The following UGT1A9 variants were observed in gnomAD, a reference collection of about 807,000 sequenced individuals.
UGT1A9 encodes the protein UDP-glucuronosyltransferase 1A9.
A neutral mutation model predicts 45.0 loss-of-function variants in UGT1A9; 35 were observed. That is an observed-to-expected ratio of 0.78 (90% CI 0.59 to 1.03). UGT1A9 has a LOEUF of 1.03. Ranked by LOEUF, UGT1A9 falls within the 50% of genes least tolerant of loss-of-function variation. The probability of loss-of-function intolerance (pLI) is 0.00; values close to 1 mark genes in which losing one functional copy is unlikely to be tolerated. For missense variants in UGT1A9, 687 were observed against 666.6 expected, an observed-to-expected ratio of 1.03 and a Z score of -0.34; for synonymous variants, 278 against 250.6, an observed-to-expected ratio of 1.11 and a Z score of -1.03.
intron 1 of UGT1A9, among the ~76,000 whole-genome samples, chr2:233,686,927 C>A (rs1301208091): frequency 1.3e-5 from 2 of 152,204 alleles, no homozygotes; most frequent in African/African-American, 4.8e-5. Flanking sequence ...ATCCCACTGG[C>A]TGACTCATGC....
chr2:233,752,000 T>A (rs1694866049), intron 1 of UGT1A9, among the ~76,000 whole-genome samples: 1 of 152,106 alleles, frequency 6.6e-6, no homozygotes, highest in African/African-American at 2.4e-5. Context: ...TTGAGAAAGT[T>A]GATGAGAAAG....
At chr2:233,762,032 T>A (rs34562642) in intron 1 of UGT1A9, among the ~76,000 whole-genome samples, 31 of 152,346 alleles carry the variant, frequency 2.0e-4, no homozygotes, top group East Asian at 3.9e-4. Context: ...TTATTTTTTT[T>A]AATTTTCTGT....
chr2:233,739,478 C>G (rs945148386), intron 1 of UGT1A9, among the ~76,000 whole-genome samples: 1 of 152,180 alleles, frequency 6.6e-6, no homozygotes, highest in African/African-American at 2.4e-5. Flanking sequence ...ACCGTGGGAG[C>G]CCATTTCTGG....
rs997006332 is a variant in UGT1A9, at chr2:233,773,053, G to C, written c.*494G>C. 2 of 178,736 alleles carry C rather than the reference G, an allele frequency of 1.1e-5. No individual in the cohort carries two copies. The highest frequency in any genetic ancestry group is 4.8e-5 in the African/African-American group (2 of 42,000). The allele number at this position is 178,736 out of a possible 1,614,324, so 11.1% of individuals were successfully genotyped here. ...AAAGAAGGGAAGCTTTGTACCTTTA[G>C]AGTGTAGGTGAAATGAATGAATGGC... On this transcript the variant is annotated 3_prime_UTR_variant, in exon 5 of 5. Coordinates refer to ENST00000354728, the MANE Select transcript of UGT1A9 (RefSeq NM_021027.3).
intron 1 of UGT1A9, among the ~76,000 whole-genome samples, chr2:233,720,204 G>A (rs1434202090): frequency 6.6e-6 from 1 of 152,176 alleles, no homozygotes; most frequent in Non-Finnish European, 1.5e-5. Context: ...GGCTGTGAAG[G>A]TGGGATGGAT....
intron 1 of UGT1A9, among the ~76,000 whole-genome samples, chr2:233,681,299 C>T (rs558793262): frequency 3.3e-4 from 50 of 151,844 alleles, no homozygotes; most frequent in East Asian, 1.8e-3. Context: ...TTTGGGAGGC[C>T]GAGATGGGCA....
intron 1 of UGT1A9, among the ~76,000 whole-genome samples, 159 bp downstream of exon 1, chr2:233,672,948 G>A (rs982325305): frequency 1.3e-5 from 2 of 152,152 alleles, no homozygotes; most frequent in Non-Finnish European, 2.9e-5. Context: ...CTCGTCAGTA[G>A]CAAATTTTAT....
intron 1 of UGT1A9, among the ~76,000 whole-genome samples, chr2:233,757,535 A>AATATATATACATATATATATATATAT (rs376887521): frequency 5.7e-5 from 5 of 88,270 alleles, no homozygotes; most frequent in Admixed American, 1.1e-4. Flanking sequence ...GCCTGTAAGG[A>AATATATATACATATATATATATATAT]ATATATATAT....
intron 1 of UGT1A9, among the ~76,000 whole-genome samples, chr2:233,683,567 A>G (rs1042590528): frequency 3.3e-5 from 5 of 152,178 alleles, no homozygotes; most frequent in Non-Finnish European, 7.4e-5. Context: ...TTTTGCTATT[A>G]CATCTTCCTA....
At chr2:233,690,625 T>G in intron 1 of UGT1A9, 1 of 1,288,214 alleles carries the variant, frequency 7.8e-7, no homozygotes, top group Non-Finnish European at 1.0e-6. Flanking sequence ...GACACTCAAG[T>G]GATACCTGAG....
At chr2:233,698,008 G>C (rs556681308) in intron 1 of UGT1A9, among the ~76,000 whole-genome samples, 1 of 152,200 alleles carries the variant, frequency 6.6e-6, no homozygotes, top group South Asian at 2.1e-4. Flanking sequence ...TATCATTTCT[G>C]CACATTGGTA....
intron 1 of UGT1A9, chr2:233,681,854 G>A: frequency 1.3e-6 from 2 of 1,520,274 alleles, no homozygotes; most frequent in Non-Finnish European, 1.8e-6. Context: ...TTCTTTTGAG[G>A]GCAGGTTCTA....
chr2:233,735,151 G>T (rs1299543720), intron 1 of UGT1A9, among the ~76,000 whole-genome samples: 1 of 152,160 alleles, frequency 6.6e-6, no homozygotes, highest in African/African-American at 2.4e-5. Context: ...GGGAGTCTAA[G>T]TCTCTGTGTA....
intron 1 of UGT1A9, among the ~76,000 whole-genome samples, chr2:233,687,679 G>A (rs1024397203): frequency 4.0e-5 from 6 of 151,660 alleles, no homozygotes; most frequent in Admixed American, 1.3e-4. Context: ...AAGGCAGGAA[G>A]ATCACTTAAG....
At chr2:233,724,935 G>A (rs1212268731) in intron 1 of UGT1A9, among the ~76,000 whole-genome samples, 1 of 143,666 alleles carries the variant, frequency 7.0e-6, no homozygotes, top group South Asian at 2.5e-4. Flanking sequence ...ACGAGACTCC[G>A]TCTGCAATCC....
chr2:233,747,025 G>A (rs1332207172), intron 1 of UGT1A9, among the ~76,000 whole-genome samples: 1 of 151,910 alleles, frequency 6.6e-6, no homozygotes. Flanking sequence ...GGTCTTTCCC[G>A]AAGTGGGACC....
chr2:233,748,188 T>A (rs1575688597), intron 1 of UGT1A9: 1 of 1,565,216 alleles, frequency 6.4e-7, no homozygotes, highest in East Asian at 2.2e-5. Flanking sequence ...GTGCTTTTAT[T>A]TCTGCTTGTC....
At chr2:233,711,358 CT>C (rs2076176304) in intron 1 of UGT1A9, among the ~76,000 whole-genome samples, 1 of 152,218 alleles carries the variant, frequency 6.6e-6, no homozygotes, top group African/African-American at 2.4e-5. Flanking sequence ...GGGGAGCCCC[CT>C]GAATGTGGTG....
intron 1 of UGT1A9, among the ~76,000 whole-genome samples, chr2:233,757,815 T>G (rs4399719): frequency 0.55 from 83,125 of 151,008 alleles, 25,001 homozygotes; most frequent in African/African-American, 0.81. Context: ...AAGGAGCTGG[T>G]AGTGTGTCTG....
Sources: gnomAD v4.1 joint callset for allele counts (sites outside exome capture counted in the v4.1 genomes callset) on GRCh38, gnomAD v4.1.1 for gene constraint, MANE v1.5 for transcripts, NCBI Gene and HGNC (gene_info 2026-07-23, HGNC 2026-07-21) for gene names.